CDKN2B-AS1: variants seen among roughly 807,000 people sequenced by gnomAD.
The protein encoded by CDKN2B-AS1 is CDKN2B antisense RNA 1 (non-protein coding).
At chr9:22,088,745 C>T (rs969405704) in intron 4 of CDKN2B-AS1, among the ~76,000 whole-genome samples, 1 of 152,158 alleles carries the variant, frequency 6.6e-6, no homozygotes, top group Non-Finnish European at 1.5e-5. Context: ...GAAATGAGAT[C>T]AGGCTCTATA....
chr9:22,028,847 A>G (rs181587016), intron 1 of CDKN2B-AS1, among the ~76,000 whole-genome samples: 1 of 152,164 alleles, frequency 6.6e-6, no homozygotes, highest in African/African-American at 2.4e-5. Context: ...TTTCCTTGGC[A>G]TGATACAAAT....
intron 4 of CDKN2B-AS1, among the ~76,000 whole-genome samples, chr9:22,123,196 T>C (rs1470786056): frequency 6.6e-6 from 1 of 152,212 alleles, no homozygotes; most frequent in African/African-American, 2.4e-5. Flanking sequence ...TTTTTGTATA[T>C]TGATATCGTA....
At chr9:22,081,694 G>C (rs1330726172) in intron 4 of CDKN2B-AS1, among the ~76,000 whole-genome samples, 1 of 152,186 alleles carries the variant, frequency 6.6e-6, no homozygotes, top group Non-Finnish European at 1.5e-5. Context: ...TAGGAAGCTT[G>C]TCTATTAGTT....
intron 4 of CDKN2B-AS1, among the ~76,000 whole-genome samples, chr9:22,104,790 T>C (rs1026389051): frequency 6.6e-6 from 1 of 152,134 alleles, no homozygotes. Flanking sequence ...TGACTGACAG[T>C]TTAGAGGAGA....
At chr9:22,114,405 G>A (rs1587548513) in intron 4 of CDKN2B-AS1, among the ~76,000 whole-genome samples, 1 of 152,198 alleles carries the variant, frequency 6.6e-6, no homozygotes, top group Non-Finnish European at 1.5e-5. Context: ...ATGTGCAAGA[G>A]ATTCGCCGAG....
intron 4 of CDKN2B-AS1, among the ~76,000 whole-genome samples, chr9:22,089,213 A>T (rs1404249189): frequency 6.6e-6 from 1 of 152,218 alleles, no homozygotes; most frequent in Non-Finnish European, 1.5e-5. Context: ...TGTAGGACTA[A>T]CACATTAACT....
intron 4 of CDKN2B-AS1, among the ~76,000 whole-genome samples, chr9:22,108,089 A>T (rs1366507113): frequency 6.6e-6 from 1 of 152,136 alleles, no homozygotes; most frequent in Non-Finnish European, 1.5e-5. Flanking sequence ...TGTCTGATAG[A>T]TGTATTTTTT....
At chr9:22,013,032 GCTTCT>G (rs763203409) in intron 1 of CDKN2B-AS1, among the ~76,000 whole-genome samples, 3 of 152,142 alleles carry the variant, frequency 2.0e-5, no homozygotes, top group Non-Finnish European at 4.4e-5. Context: ...TTCTCCTGAG[GCTTCT>G]CTTCTTGACT....
At chr9:22,084,595 T>C (rs973131720) in intron 4 of CDKN2B-AS1, among the ~76,000 whole-genome samples, 3 of 152,162 alleles carry the variant, frequency 2.0e-5, no homozygotes, top group Non-Finnish European at 4.4e-5. Context: ...TTTTTGTCTC[T>C]GGGAGTTCTG....
At chr9:22,073,123 T>C (rs899511577) in intron 4 of CDKN2B-AS1, among the ~76,000 whole-genome samples, 2 of 152,182 alleles carry the variant, frequency 1.3e-5, no homozygotes, top group African/African-American at 4.8e-5. Context: ...TCTATGAGAA[T>C]AATACTGCCT....
Position 22,000,821 on chromosome 9 carries a change from AAG to A in CDKN2B-AS1, n.29+5664_29+5665del, listed in dbSNP as rs1291217351. Among the ~76,000 whole-genome samples, 1 of 152,200 alleles carries A rather than the reference AAG, an allele frequency of 6.6e-6. No homozygotes were observed. The highest frequency in any genetic ancestry group is 1.5e-5 in the Non-Finnish European group (1 of 68,018). ...AAAATGCAAGTATCTTATTTATACT[AAG>A]AGAAGAGAGAAACCCGAAGAACAAT... On this transcript the variant is annotated intron_variant and non_coding_transcript_variant, in intron 1 of 4. Transcript: ENST00000650946. The surrounding 1 kb of genome is among the most constrained non-coding windows in gnomAD (Gnocchi z 4.1).
At chr9:22,011,594 G>T (rs1328537279) in intron 1 of CDKN2B-AS1, among the ~76,000 whole-genome samples, 1 of 152,076 alleles carries the variant, frequency 6.6e-6, no homozygotes, top group East Asian at 1.9e-4. Context: ...AGCTGTCATG[G>T]TAGGCTTAAC....
At position 22,034,057 on chromosome 9, in the gene CDKN2B-AS1, T is replaced by C. The variant is rs189425216; in HGVS notation, n.30-12694T>C. 2.2e-4 allele frequency among the ~76,000 whole-genome samples: 33 copies of C among 152,338 alleles called. No homozygotes were observed. The East Asian group carries it at 6.2e-3, about 28-fold the overall frequency. ...GTAACTTCGATAAAAGACATGAAGTTAATGAATATATGAAAGATGGTGAAT... is the reference window on the plus strand; with the variant it reads ...GTAACTTCGATAAAAGACATGAAGTCAATGAATATATGAAAGATGGTGAAT... On this transcript the variant is annotated intron_variant and non_coding_transcript_variant, in intron 1 of 4. Transcript: ENST00000650946.
chr9:22,113,771 A>G (rs1825864623), intron 4 of CDKN2B-AS1: 1 of 152,212 alleles, frequency 6.6e-6, no homozygotes, highest in African/African-American at 2.4e-5. Flanking sequence ...AGCTCTACAC[A>G]CTTGAAGATG....
intron 1 of CDKN2B-AS1, among the ~76,000 whole-genome samples, chr9:22,024,648 G>A (rs79070411): frequency 6.6e-6 from 1 of 152,350 alleles, no homozygotes; most frequent in East Asian, 1.9e-4. Context: ...GGTTCTGTCT[G>A]CAATGGTGGT....
chr9:22,081,099 T>C (rs1212054147), intron 4 of CDKN2B-AS1, among the ~76,000 whole-genome samples: 1 of 152,192 alleles, frequency 6.6e-6, no homozygotes, highest in Non-Finnish European at 1.5e-5. Context: ...ATTAGGTCCA[T>C]ATGGCAATAT....
intron 4 of CDKN2B-AS1, among the ~76,000 whole-genome samples, chr9:22,077,026 T>C (rs1824521920): frequency 6.6e-6 from 1 of 152,222 alleles, no homozygotes; most frequent in Non-Finnish European, 1.5e-5. Context: ...GGTTGGGCAT[T>C]AGATCTTCAG....
chr9:22,077,084 C>G (rs898726763), intron 4 of CDKN2B-AS1, among the ~76,000 whole-genome samples: 1 of 152,156 alleles, frequency 6.6e-6, no homozygotes, highest in Non-Finnish European at 1.5e-5. Flanking sequence ...TGAGGTACAT[C>G]TACCCATTTC....
chr9:22,054,088 A>G (rs910813175), intron 3 of CDKN2B-AS1, among the ~76,000 whole-genome samples: 3 of 152,226 alleles, frequency 2.0e-5, no homozygotes, highest in Non-Finnish European at 2.9e-5. Context: ...TCTTGTGCAC[A>G]TACTATAAGC....
Sources: allele counts gnomAD v4.1 joint callset (sites outside exome capture counted in the v4.1 genomes callset), GRCh38; gene constraint gnomAD v4.1.1; non-coding constraint Gnocchi (gnomAD v3.1); transcripts MANE v1.5; gene names NCBI Gene and HGNC (gene_info 2026-07-23, HGNC 2026-07-21).